Variants in ELAVL3 observed in about 807,000 individuals in gnomAD.
ELAVL3 encodes ELAV like RNA binding protein 3.
ELAVL3 carries 8 observed loss-of-function variants against 34.2 expected under a neutral mutation model. That is an observed-to-expected ratio of 0.23 (90% CI 0.14 to 0.42). The LOEUF (loss-of-function observed/expected upper bound fraction) is 0.42. Ranked by LOEUF, ELAVL3 falls within the 10% of genes least tolerant of loss-of-function variation. The probability of loss-of-function intolerance (pLI) is 1.00; values close to 1 mark genes in which losing one functional copy is unlikely to be tolerated. For missense variants in ELAVL3, 273 were observed against 518.8 expected, an observed-to-expected ratio of 0.53 and a Z score of 4.60; for synonymous variants, 209 against 222.1, an observed-to-expected ratio of 0.94 and a Z score of 0.53.
At chr19:11,467,573 T>G (rs1971080051) in intron 1 of ELAVL3, among the ~76,000 whole-genome samples, 1 of 150,866 alleles carries the variant, frequency 6.6e-6, no homozygotes, top group South Asian at 2.1e-4. Context: ...AACCTCCGCC[T>G]CTTGGGTTCA....
Position 11,458,631 on chromosome 19 carries a change from G to A in ELAVL3, c.334-20C>T. The A allele has an allele frequency of 6.2e-7, 1 of 1,612,476 alleles. No individual in the cohort carries two copies. The highest frequency in any genetic ancestry group is 2.2e-5 in the East Asian group (1 of 44,882). ...GGACACCTGGGTGAGGGGGTCAGAT[G>A]GACAGGGGTGAGGCAGAGACCCATT... On this transcript the variant is annotated intron_variant, in intron 3 of 6. Transcript: ENST00000359227. This position sits in a 1 kb window ranked among gnomAD's most constrained non-coding sequence, Gnocchi z 7.3.
chr19:11,462,976 A>AG (rs1270031935), intron 3 of ELAVL3, among the ~76,000 whole-genome samples: 6 of 150,384 alleles, frequency 4.0e-5, no homozygotes, highest in African/African-American at 1.3e-4. Context: ...AAAAAAAAAA[A>AG]AAAGAAAGAA....
Position 11,452,972 on chromosome 19 carries a change from G to A in ELAVL3, c.*1554C>T, listed in dbSNP as rs1409255565. On this transcript the variant is annotated 3_prime_UTR_variant, in exon 7 of 7. Coordinates refer to ENST00000359227, the MANE Select transcript of ELAVL3 (RefSeq NM_001420.4). ...CCAACAAACCGAAAGGGGATAGGTA[G>A]GTGACAAGTGGACGGGAAAGGAGTG... 1 of 152,296 alleles carries A rather than the reference G, an allele frequency of 6.6e-6. No homozygotes were observed. The highest frequency in any genetic ancestry group is 1.5e-5 in the Non-Finnish European group (1 of 68,082). 9.4% of individuals were successfully genotyped at this position (152,296 alleles called of 1,614,324 possible).
Position 11,466,920 on chromosome 19 carries a change from CT to C in ELAVL3, c.10-94del. 9.9e-7 allele frequency: 1 copy of C among 1,012,748 alleles called. No individual in the cohort carries two copies. The highest frequency in any genetic ancestry group is 1.4e-6 in the Non-Finnish European group (1 of 690,936). The allele number at this position is 1,012,748 out of a possible 1,614,324, so 62.7% of individuals were successfully genotyped here. On this transcript the variant is annotated intron_variant, in intron 1 of 6. Transcript: ENST00000359227. This position sits in a 1 kb window ranked among gnomAD's most constrained non-coding sequence, Gnocchi z 5.0. Reference sequence around the variant, plus strand: ...CTTGGTGGTGATGAATTAGCCATGTCTTATAGGGGCTTCGTCATGGGGAGGG... The same window carrying C: ...CTTGGTGGTGATGAATTAGCCATGTCTATAGGGGCTTCGTCATGGGGAGGG...
intron 3 of ELAVL3, among the ~76,000 whole-genome samples, chr19:11,459,964 C>T (rs1970848916): frequency 6.6e-6 from 1 of 152,092 alleles, no homozygotes; most frequent in Admixed American, 6.6e-5. Flanking sequence ...CCCCCAGGGA[C>T]ACTCAGGTCT....
chr19:11,456,580 ACCT>A (rs1183179194), intron 6 of ELAVL3, among the ~76,000 whole-genome samples: 2 of 131,368 alleles, frequency 1.5e-5, no homozygotes, highest in Non-Finnish European at 3.2e-5. Flanking sequence ...GCTCACTGCA[ACCT>A]CCTCCTTCCA....
chr19:11,475,059 C>A (rs1417801455), intron 1 of ELAVL3, among the ~76,000 whole-genome samples: 1 of 152,142 alleles, frequency 6.6e-6, no homozygotes, highest in Non-Finnish European at 1.5e-5. Flanking sequence ...ATCTCCTGAT[C>A]TCGTGATCCA....
In ELAVL3 at chr19:11,480,513, C is replaced by G. The variant is rs574422726; in HGVS notation, c.9+87G>C. ...GGCCTAGCTAGGCCTGGTCCTACCC[C>G]CCCCGCCGCACCCGCCCAATCTCCG... is the stretch of plus-strand genomic sequence containing the variant. On this transcript the variant is annotated intron_variant, in intron 1 of 6. Coordinates refer to ENST00000359227, the MANE Select transcript of ELAVL3 (RefSeq NM_001420.4). This position sits in a 1 kb window ranked among gnomAD's most constrained non-coding sequence, Gnocchi z 6.8. The G allele has an allele frequency of 3.4e-4, 477 of 1,407,258 alleles. 2 individuals carry two copies. Among genetic ancestry groups the G allele is most frequent in the Non-Finnish European group, 2.2e-4 (238 of 1,075,848 alleles). 87.2% of individuals were successfully genotyped at this position (1,407,258 alleles called of 1,614,324 possible).
At chr19:11,461,632 G>A (rs1970887663) in intron 3 of ELAVL3, among the ~76,000 whole-genome samples, 1 of 150,736 alleles carries the variant, frequency 6.6e-6, no homozygotes, top group Non-Finnish European at 1.5e-5. Context: ...GGGTCTTGCT[G>A]TGTTGCCCAG....
chr19:11,458,189 A>G lies in ELAVL3; in HGVS notation c.585T>C (p.Ala195=). The G allele has an allele frequency of 6.2e-7, 1 of 1,614,150 alleles. No individual in the cohort carries two copies. The highest frequency in any genetic ancestry group is 8.5e-7 in the Non-Finnish European group (1 of 1,180,024). ...GLNGQKPLGA[A]EPITVKFANN... ...TCGCGAACTTGACTGTGATGGGCTC[A>G]GCTGCGCCCAGCGGCTTCTGCCCAT... Residue 195 remains alanine (A), a synonymous_variant, in exon 5 of 7, where the codon GCT becomes GCC. Transcript: ENST00000359227. This position sits in a 1 kb window ranked among gnomAD's most constrained non-coding sequence, Gnocchi z 7.3.
At chr19:11,462,509 C>CAT (rs1970909653) in intron 3 of ELAVL3, among the ~76,000 whole-genome samples, 1 of 149,968 alleles carries the variant, frequency 6.7e-6, no homozygotes, top group Non-Finnish European at 1.5e-5. Flanking sequence ...TGGTGGCGGG[C>CAT]GCCTGTAATC....
chr19:11,469,562 G>GA (rs1971123266), intron 1 of ELAVL3, among the ~76,000 whole-genome samples: 1 of 152,188 alleles, frequency 6.6e-6, no homozygotes, highest in Admixed American at 6.5e-5. Context: ...TTACAGGCGT[G>GA]AGCCACCGTG....
intron 3 of ELAVL3, among the ~76,000 whole-genome samples, chr19:11,464,123 G>GTCTCTCTCTCTCTGTCTCTCTCTCTC (rs1970951848): frequency 1.8e-5 from 2 of 110,956 alleles, no homozygotes; most frequent in African/African-American, 8.0e-5. Flanking sequence ...GTCTCTCTCT[G>GTCTCTCTCTCTCTGTCTCTCTCTCTC]TCTCTCTCTC....
chr19:11,458,168 G>A lies in ELAVL3; in HGVS notation c.606C>T (p.Phe202=), dbSNP rs753318628. The A allele has an allele frequency of 2.3e-5, 37 of 1,614,046 alleles. No homozygotes were observed. The highest frequency in any genetic ancestry group is 1.6e-4 in the Middle Eastern group (1 of 6,084). The change falls in exon 5 of 7, where the codon TTC becomes TTT. Residue 202 remains phenylalanine (F), a synonymous_variant. Transcript: ENST00000359227. The surrounding 1 kb of genome is among the most constrained non-coding windows in gnomAD (Gnocchi z 7.3). ...CCGTCTTCTGACTTGGGTTGTTCGC[G>A]AACTTGACTGTGATGGGCTCAGCTG... is the stretch of plus-strand genomic sequence containing the variant. The part of the protein sequence containing the change: ...LGAAEPITVK[F]ANNPSQKTGQ...
In ELAVL3 at chr19:11,480,669, A is replaced by AG. The variant is rs1971360423; in HGVS notation, c.-62dup. On this transcript the variant is annotated 5_prime_UTR_variant, in exon 1 of 7. Transcript: ENST00000359227. The surrounding 1 kb of genome is among the most constrained non-coding windows in gnomAD (Gnocchi z 6.8). ...GGGGCTCCGGGGGTGGTGCACTCCT[A>AG]GGGGGGCGCCCGATGCTCACGCTGG... 2 of 1,354,552 alleles carry AG rather than the reference A, an allele frequency of 1.5e-6. No homozygotes were observed. The highest frequency in any genetic ancestry group is 2.8e-5 in the East Asian group (1 of 35,746). The allele number at this position is 1,354,552 out of a possible 1,614,324, so 83.9% of individuals were successfully genotyped here. A position where few individuals can be genotyped will look rare whatever the true frequency, so the allele number is the denominator to read the frequency against.
At chr19:11,479,467 G>A (rs1221030763) in intron 1 of ELAVL3, among the ~76,000 whole-genome samples, 1 of 152,140 alleles carries the variant, frequency 6.6e-6, no homozygotes, top group Non-Finnish European at 1.5e-5. Context: ...AAGAGTGGAA[G>A]AGGGAGGCCC....
rs1173262532 is a variant in ELAVL3 at position 11,453,065 on chromosome 19, CGGGGAGGCCCAGTCCTGGTG to C, written c.*1441_*1460del. On this transcript the variant is annotated 3_prime_UTR_variant, in exon 7 of 7. Coordinates refer to ENST00000359227, the MANE Select transcript of ELAVL3 (RefSeq NM_001420.4). Reference sequence around the variant, plus strand: ...GCGGGGAGTGCCGGGGTCTTGCTGCCGGGGAGGCCCAGTCCTGGTGGGGGAGGCTCAGGGCTGGGCCTCTC... The same window carrying C: ...GCGGGGAGTGCCGGGGTCTTGCTGCCGGGGAGGCTCAGGGCTGGGCCTCTC... 1 of 151,758 alleles carries C rather than the reference CGGGGAGGCCCAGTCCTGGTG, an allele frequency of 6.6e-6. No homozygotes were observed. The highest frequency in any genetic ancestry group is 1.5e-5 in the Non-Finnish European group (1 of 67,946). 9.4% of individuals were successfully genotyped at this position (151,758 alleles called of 1,614,324 possible). A position where few individuals can be genotyped will look rare whatever the true frequency, so the allele number is the denominator to read the frequency against.
chr19:11,452,279 T>TC lies in ELAVL3; in HGVS notation c.*2246dup, dbSNP rs1970663293. On this transcript the variant is annotated 3_prime_UTR_variant, in exon 7 of 7. Coordinates refer to ENST00000359227, the MANE Select transcript of ELAVL3 (RefSeq NM_001420.4). ...TAAATAAATTAGGCATAACCATGTC[T>TC]CGGCAAAACTTAAAGAAACAAAGAG... The TC allele has an allele frequency of 6.6e-6, 1 of 152,180 alleles. No individual in the cohort carries two copies. Among genetic ancestry groups the TC allele is most frequent in the African/African-American group, 2.4e-5 (1 of 41,442 alleles). The allele number at this position is 152,180 out of a possible 1,614,324, so 9.4% of individuals were successfully genotyped here.
intron 3 of ELAVL3, among the ~76,000 whole-genome samples, chr19:11,464,911 A>C (rs1764990696): frequency 1.5e-5 from 2 of 133,968 alleles, no homozygotes; most frequent in Admixed American, 7.5e-5. Context: ...CCACAAACAC[A>C]CACCACACAC....
Sources: allele counts gnomAD v4.1 joint callset (sites outside exome capture counted in the v4.1 genomes callset), GRCh38; gene constraint gnomAD v4.1.1; non-coding constraint Gnocchi (gnomAD v3.1); transcripts MANE v1.5; gene names NCBI Gene and HGNC (gene_info 2026-07-23, HGNC 2026-07-21).